UGGT2: variants seen among roughly 807,000 people sequenced by gnomAD.
UGGT2 encodes the protein UDP-glucose:glycoprotein glucosyltransferase 2.
In UGGT2, 180 loss-of-function variants were observed where a neutral mutation model predicts 192.1. The observed-to-expected ratio is 0.94, with a 90% CI of 0.83 to 1.06. The LOEUF (loss-of-function observed/expected upper bound fraction) is 1.06, where lower values mean the gene tolerates loss of function less well. Among genes scored for constraint, UGGT2 ranks in the 50% least tolerant of loss-of-function variants. UGGT2 has a pLI of 0.00. For synonymous variants in UGGT2, 580 were observed against 591.0 expected (o/e 0.98, Z 0.27); for missense variants, 1,849 against 1,795.7 (o/e 1.03, Z -0.54).
chr13:95,853,007 G>A (rs912491926), intron 36 of UGGT2, among the ~76,000 whole-genome samples: 10 of 152,170 alleles, frequency 6.6e-5, no homozygotes, highest in Admixed American at 6.5e-4. Context: ...AGAGGTAATT[G>A]ACTCATGGGG....
At chr13:96,008,940 C>A (rs1348067927) in intron 5 of UGGT2, among the ~76,000 whole-genome samples, 1 of 151,820 alleles carries the variant, frequency 6.6e-6, no homozygotes, top group Non-Finnish European at 1.5e-5. Flanking sequence ...GCAAAAAGAA[C>A]AAAGCTGAAG....
chr13:95,884,500 G>C lies in UGGT2; in HGVS notation c.3219C>G (p.His1073Gln), dbSNP rs978089928. The C allele has an allele frequency of 4.3e-6, 7 of 1,609,636 alleles. No individual in the cohort carries two copies. The highest frequency in any genetic ancestry group is 1.7e-4 in the Middle Eastern group (1 of 6,034). Reference sequence around the variant, plus strand: ...ATACACAATAACTTACATCCTTTAAGTGAATATTATCAAGGTCACAGTTGC... The same window carrying C: ...ATACACAATAACTTACATCCTTTAACTGAATATTATCAAGGTCACAGTTGC... ...VHSNCDLDNIHLKDTEKTVTA... is the reference protein window; with the variant it reads ...VHSNCDLDNIQLKDTEKTVTA... The change falls in exon 27 of 39, where the codon CAC (histidine) becomes CAG (glutamine). Residue 1073 changes from histidine (H) to glutamine (Q), a missense_variant. By Grantham distance (24) the His-to-Gln change is conservative. Coordinates refer to ENST00000376747, the MANE Select transcript of UGGT2 (RefSeq NM_020121.4).
At chr13:95,864,053 G>A (rs1004953243) in intron 30 of UGGT2, among the ~76,000 whole-genome samples, 1 of 152,122 alleles carries the variant, frequency 6.6e-6, no homozygotes, top group Non-Finnish European at 1.5e-5. Context: ...CAGATGAATA[G>A]CTCACTTATC....
intron 5 of UGGT2, among the ~76,000 whole-genome samples, chr13:96,003,118 T>C (rs2026819): frequency 0.39 from 59,855 of 151,780 alleles, 12,038 homozygotes; most frequent in Middle Eastern, 0.45. Flanking sequence ...TAGGTGTCTA[T>C]TGTCCCTTGC....
chr13:95,960,973 C>T (rs1247886320), intron 12 of UGGT2, among the ~76,000 whole-genome samples: 4 of 152,052 alleles, frequency 2.6e-5, no homozygotes, highest in African/African-American at 9.7e-5. Flanking sequence ...AAAGTCTTTC[C>T]CAGACAAGCA....
At chr13:95,918,176 G>A (rs930702085) in intron 20 of UGGT2, among the ~76,000 whole-genome samples, 9 of 151,888 alleles carry the variant, frequency 5.9e-5, no homozygotes, top group East Asian at 5.8e-4. Flanking sequence ...AAGTGAAATC[G>A]TAACAGTCTT....
chr13:95,970,859 G>A (rs73560887), intron 11 of UGGT2, among the ~76,000 whole-genome samples: 2,981 of 152,244 alleles, frequency 0.02, 95 homozygotes, highest in African/African-American at 0.069. Context: ...CGACTATTCA[G>A]AGGCAAAAAT....
intron 31 of UGGT2, among the ~76,000 whole-genome samples, chr13:95,862,921 G>A (rs192420133): frequency 1.0e-3 from 156 of 152,218 alleles, no homozygotes; most frequent in Middle Eastern, 3.4e-3. Context: ...GGAGTGCAGC[G>A]TTGCAATCTT....
intron 17 of UGGT2, among the ~76,000 whole-genome samples, chr13:95,935,117 C>T (rs1477531184): frequency 6.6e-6 from 1 of 152,204 alleles, no homozygotes; most frequent in Non-Finnish European, 1.5e-5. Flanking sequence ...CTCCTGTAGA[C>T]AGCAGACAGA....
At chr13:95,933,297 T>G (rs1221230816) in intron 17 of UGGT2, among the ~76,000 whole-genome samples, 4 of 152,244 alleles carry the variant, frequency 2.6e-5, no homozygotes, top group East Asian at 1.9e-4. Context: ...AATTTCTTCC[T>G]GATTCAATCT....
At chr13:96,049,231 C>T (rs1156918994) in intron 1 of UGGT2, among the ~76,000 whole-genome samples, 1 of 152,072 alleles carries the variant, frequency 6.6e-6, no homozygotes, top group East Asian at 1.9e-4. Flanking sequence ...AGACAAAAAC[C>T]ACATGATTAT....
chr13:95,995,356 C>T (rs1005521427), intron 7 of UGGT2: 5 of 151,930 alleles, frequency 3.3e-5, no homozygotes, highest in Non-Finnish European at 7.4e-5. Flanking sequence ...GAATTAAATA[C>T]ACTTTTTTAA....
intron 20 of UGGT2, among the ~76,000 whole-genome samples, chr13:95,923,233 AT>A (rs570822991): frequency 6.6e-6 from 1 of 151,864 alleles, no homozygotes; most frequent in Non-Finnish European, 1.5e-5. Flanking sequence ...TTTTAAAAAA[AT>A]TTTTTTTAGA....
At chr13:95,917,668 A>G (rs1379671122) in intron 20 of UGGT2, among the ~76,000 whole-genome samples, 1 of 152,224 alleles carries the variant, frequency 6.6e-6, no homozygotes, top group Non-Finnish European at 1.5e-5. Flanking sequence ...CAAGAGATCC[A>G]TCTCACATGG....
intron 1 of UGGT2, among the ~76,000 whole-genome samples, chr13:96,047,214 C>T (rs902192220): frequency 1.3e-5 from 2 of 152,228 alleles, no homozygotes; most frequent in African/African-American, 4.8e-5. Flanking sequence ...TGGGGAGGCA[C>T]TTCCCAGTAG....
Position 95,999,266 on chromosome 13 carries a change from C to T in UGGT2, c.702G>A (p.Val234=). The change falls in exon 6 of 39, where the codon GTG becomes GTA. Residue 234 remains valine, a synonymous_variant. Transcript: ENST00000376747. Reference sequence around the variant, plus strand: ...ATTCTGTACTCTTAATTGCTAGCTCCACACCATACCCAGATAAGTACATTT... The same window carrying T: ...ATTCTGTACTCTTAATTGCTAGCTCTACACCATACCCAGATAAGTACATTT... The part of the protein sequence containing the change: ...SRKMYLSGYG[V]ELAIKSTEYK... 3 of 1,613,618 alleles carry T rather than the reference C, an allele frequency of 1.9e-6. No homozygotes were observed. The South Asian group carries it at 3.3e-5, about 18-fold the overall frequency.
chr13:95,873,592 G>A (rs1566619569), intron 29 of UGGT2, among the ~76,000 whole-genome samples: 1 of 152,160 alleles, frequency 6.6e-6, no homozygotes, highest in Admixed American at 6.5e-5. Context: ...TTGCATGCAT[G>A]CTCTCTCTTT....
chr13:96,010,020 T>C (rs763140577), intron 5 of UGGT2, among the ~76,000 whole-genome samples: 62 of 152,088 alleles, frequency 4.1e-4, no homozygotes, highest in Non-Finnish European at 7.6e-4. Context: ...TTGCAGAAAA[T>C]AGTGAATGCA....
At chr13:95,946,980 T>C (rs2049891993) in intron 15 of UGGT2, 57 bp downstream of exon 15, 1 of 1,448,224 alleles carries the variant, frequency 6.9e-7, no homozygotes, top group Non-Finnish European at 9.2e-7. Flanking sequence ...GAAATCATAA[T>C]ATAGTAATGC....
Sources: gnomAD v4.1 joint callset for allele counts (sites outside exome capture counted in the v4.1 genomes callset) on GRCh38, gnomAD v4.1.1 for gene constraint, MANE v1.5 for transcripts, NCBI Gene and HGNC (gene_info 2026-07-23, HGNC 2026-07-21) for gene names.